The following ACOT7 variants were observed in gnomAD, a reference collection of about 807,000 sequenced individuals.
The protein encoded by ACOT7 is cytosolic acyl coenzyme A thioester hydrolase.
In ACOT7, 12 loss-of-function variants were observed where a neutral mutation model predicts 40.2. That is an observed-to-expected ratio of 0.30 (90% CI 0.19 to 0.48). The LOEUF is 0.48. ACOT7 is among the 20% of genes least tolerant of loss of function. ACOT7 has a pLI of 0.99. For synonymous variants in ACOT7, 228 were observed against 219.5 expected (o/e 1.04, Z -0.34); for missense variants, 395 against 530.8 (o/e 0.74, Z 2.51).
In ACOT7 at chr1:6,274,455, C is replaced by T. The variant is rs1639131144; in HGVS notation, c.1014+6647G>A. On this transcript the variant is annotated intron_variant, in intron 8 of 8. Transcript: ENST00000361521. The surrounding 1 kb of genome is among the most constrained non-coding windows in gnomAD (Gnocchi z 5.9). ...TGAACAGCAGGTCAAACAGTGCCCT[C>T]CTTCCGGACGCTCCAGCCCATGCCA... is the stretch of plus-strand genomic sequence containing the variant. Among the ~76,000 whole-genome samples the T allele has an allele frequency of 6.6e-6, 1 of 152,232 alleles. No individual in the cohort carries two copies. The highest frequency in any genetic ancestry group is 2.1e-4 in the South Asian group (1 of 4,828).
At chr1:6,279,846 T>G (rs1341624548) in intron 8 of ACOT7, among the ~76,000 whole-genome samples, 1 of 152,072 alleles carries the variant, frequency 6.6e-6, no homozygotes, top group Non-Finnish European at 1.5e-5. Flanking sequence ...GGAGAGGGGC[T>G]TGGAGGGGCC....
chr1:6,359,044 A>C lies in ACOT7; in HGVS notation c.144-9178T>G. 1.3e-6 allele frequency: 1 copy of C among 753,356 alleles called. No homozygotes were observed. The highest frequency in any genetic ancestry group is 2.0e-6 in the Non-Finnish European group (1 of 496,136). 46.7% of individuals were successfully genotyped at this position (753,356 alleles called of 1,614,324 possible). ...CTCGCCAATCCAGAGCGTCTACCAG[A>C]AACCGGTCGTCATGGAAACCTTGCT... On this transcript the variant is annotated intron_variant, in intron 1 of 8. Transcript: ENST00000361521. The surrounding 1 kb of genome is among the most constrained non-coding windows in gnomAD (Gnocchi z 4.1).
chr1:6,358,057 G>T lies in ACOT7; in HGVS notation c.144-8191C>A, dbSNP rs1042222335. Among the ~76,000 whole-genome samples the T allele has an allele frequency of 1.3e-5, 2 of 151,744 alleles. No homozygotes were observed. The highest frequency in any genetic ancestry group is 6.6e-5 in the Admixed American group (1 of 15,234). ...AATTTTTGTATTTTTTAGTAGAGAC[G>T]GGGGTTTCACCATGTTGGCCAGGCT... On this transcript the variant is annotated intron_variant, in intron 1 of 8. Coordinates refer to ENST00000361521, the MANE Select transcript of ACOT7 (RefSeq NM_007274.4). The surrounding 1 kb of genome is among the most constrained non-coding windows in gnomAD (Gnocchi z 4.1).
intron 1 of ACOT7, among the ~76,000 whole-genome samples, chr1:6,383,398 AG>A (rs1453704463): frequency 6.6e-6 from 1 of 151,190 alleles, no homozygotes; most frequent in Non-Finnish European, 1.5e-5. Flanking sequence ...CTTGTTAGCC[AG>A]GATGGTCTCG....
intron 8 of ACOT7, 73 bp downstream of exon 8, chr1:6,281,029 C>T (rs1254866070): frequency 6.2e-5 from 96 of 1,545,194 alleles, no homozygotes; most frequent in Non-Finnish European, 8.2e-5. Context: ...CAGATTCCCC[C>T]TGGAGGCCCA....
At chr1:6,329,390 C>T (rs553691133) in intron 4 of ACOT7, among the ~76,000 whole-genome samples, 1 of 152,282 alleles carries the variant, frequency 6.6e-6, no homozygotes, top group East Asian at 1.9e-4. Context: ...AATGTTCCAC[C>T]GGCCAAGTAA....
rs892556374 is a variant in ACOT7, at chr1:6,338,111, A to G, written c.418+1322T>C. ...TCATGGCAGAAAATCTGCAAAGCAG[A>G]TCCCTTCCTGGCATTTTTGAAGCCA... On this transcript the variant is annotated intron_variant, in intron 3 of 8. Transcript: ENST00000361521. The surrounding 1 kb of genome is among the most constrained non-coding windows in gnomAD (Gnocchi z 4.4). Among the ~76,000 whole-genome samples, 8 of 152,136 alleles carry G rather than the reference A, an allele frequency of 5.3e-5. No homozygotes were observed. The highest frequency in any genetic ancestry group is 3.3e-4 in the Admixed American group (5 of 15,278).
chr1:6,331,729 C>A (rs984276330), intron 4 of ACOT7, among the ~76,000 whole-genome samples: 2 of 152,170 alleles, frequency 1.3e-5, no homozygotes, highest in Non-Finnish European at 2.9e-5. Context: ...ATGGACAGGG[C>A]TCCCCTGTCA....
Position 6,365,906 on chromosome 1 carries a change from T to A in ACOT7, c.144-16040A>T, listed in dbSNP as rs190215808. On this transcript the variant is annotated intron_variant, in intron 1 of 8. Transcript: ENST00000361521. ...ATTCATATTGTTTTGGGGTTTATTTTTTTTTTTTGAGACAGTCTCATTCTA... is the reference window on the plus strand; with the variant it reads ...ATTCATATTGTTTTGGGGTTTATTTATTTTTTTTGAGACAGTCTCATTCTA... Among the ~76,000 whole-genome samples the A allele has an allele frequency of 3.3e-4, 50 of 152,164 alleles. 1 individual carries two copies. The highest frequency in any genetic ancestry group is 2.4e-3 in the Admixed American group (37 of 15,276).
At chr1:6,271,751 T>C (rs1182464961) in intron 8 of ACOT7, among the ~76,000 whole-genome samples, 1 of 152,230 alleles carries the variant, frequency 6.6e-6, no homozygotes, top group African/African-American at 2.4e-5. Flanking sequence ...AATGAGATCA[T>C]TGTGGAGAGT....
chr1:6,347,699 A>G (rs573210623), intron 2 of ACOT7, among the ~76,000 whole-genome samples: 1 of 152,034 alleles, frequency 6.6e-6, no homozygotes, highest in East Asian at 1.9e-4. Context: ...CCTGGGAGGC[A>G]GACATTGCAG....
intron 7 of ACOT7, among the ~76,000 whole-genome samples, chr1:6,290,073 G>C (rs905006363): frequency 1.6e-4 from 25 of 152,214 alleles, no homozygotes; most frequent in African/African-American, 6.0e-4. Flanking sequence ...AGGGAGGCAG[G>C]AGTGTCAGCA....
chr1:6,322,079 G>A (rs1383401716), intron 5 of ACOT7, among the ~76,000 whole-genome samples: 2 of 152,216 alleles, frequency 1.3e-5, no homozygotes, highest in African/African-American at 4.8e-5. Flanking sequence ...CCAAGCCACA[G>A]GTCGTGCGAA....
chr1:6,334,382 C>T (rs1641043529), intron 3 of ACOT7, among the ~76,000 whole-genome samples: 1 of 152,240 alleles, frequency 6.6e-6, no homozygotes, highest in Non-Finnish European at 1.5e-5. Context: ...TTGGCCCATA[C>T]AGACGTGCAG....
rs951244020 is a variant in ACOT7 at position 6,352,655 on chromosome 1, G to C, written c.144-2789C>G. Among the ~76,000 whole-genome samples the C allele has an allele frequency of 6.6e-6, 1 of 151,198 alleles. No homozygotes were observed. Among genetic ancestry groups the C allele is most frequent in the African/African-American group, 2.4e-5 (1 of 41,032 alleles). On this transcript the variant is annotated intron_variant, in intron 1 of 8. Transcript: ENST00000361521. The surrounding 1 kb of genome is among the most constrained non-coding windows in gnomAD (Gnocchi z 4.5). ...CTCCCAGGCTGGAGTGCAGTGGCAC[G>C]ATCTTGGCTCACCGCAAGCTCCGCC... is the stretch of plus-strand genomic sequence containing the variant.
intron 5 of ACOT7, among the ~76,000 whole-genome samples, chr1:6,323,737 AATATATAT>A (rs57302929): frequency 0.015 from 578 of 38,410 alleles, 10 homozygotes; most frequent in East Asian, 0.076. Context: ...AAAAAAAAAA[AATATATAT>A]ATATATATAT....
chr1:6,276,990 A>AC (rs59952827), intron 8 of ACOT7, among the ~76,000 whole-genome samples: 3,382 of 136,072 alleles, frequency 0.025, 68 homozygotes, highest in African/African-American at 0.066. Context: ...CACTCTGACC[A>AC]CCCCCCCCCA....
chr1:6,304,721 A>C (rs532611600), intron 6 of ACOT7, among the ~76,000 whole-genome samples: 8,325 of 130,694 alleles, frequency 0.064, 229 homozygotes, highest in African/African-American at 0.1. Context: ...GTAAGGTCAC[A>C]GATCAACAGG....
chr1:6,365,573 T>C (rs910126208), intron 1 of ACOT7, among the ~76,000 whole-genome samples: 6 of 151,852 alleles, frequency 4.0e-5, no homozygotes, highest in Non-Finnish European at 8.8e-5. Context: ...ATCGAGACCA[T>C]CCTGGCTAAC....
Sources: allele counts gnomAD v4.1 joint callset (sites outside exome capture counted in the v4.1 genomes callset), GRCh38; gene constraint gnomAD v4.1.1; non-coding constraint Gnocchi (gnomAD v3.1); transcripts MANE v1.5; gene names NCBI Gene and HGNC (gene_info 2026-07-23, HGNC 2026-07-21).